KIF16B: variants seen among roughly 807,000 people sequenced by gnomAD.
The protein encoded by KIF16B is kinesin-like protein KIF16B.
In KIF16B, 98 loss-of-function variants were observed where a neutral mutation model predicts 156.3. The observed-to-expected ratio is 0.63, with a 90% CI of 0.53 to 0.74. KIF16B has a LOEUF of 0.74. Ranked by LOEUF, KIF16B falls within the 30% of genes least tolerant of loss-of-function variation. The pLI is 0.00. For missense variants in KIF16B, 1,421 were observed against 1,606.5 expected (o/e 0.88, Z 1.97); for synonymous variants, 564 against 583.7 (o/e 0.97, Z 0.49).
At chr20:16,470,402 T>C (rs1168057191) in intron 12 of KIF16B, among the ~76,000 whole-genome samples, 3 of 152,178 alleles carry the variant, frequency 2.0e-5, no homozygotes, top group African/African-American at 7.2e-5. Flanking sequence ...TGGTGAGGGA[T>C]GGCAACAATG....
At chr20:16,475,573 C>T (rs1175819825) in intron 12 of KIF16B, among the ~76,000 whole-genome samples, 1 of 152,214 alleles carries the variant, frequency 6.6e-6, no homozygotes, top group East Asian at 1.9e-4. Flanking sequence ...GGAACCAACG[C>T]AGAGGTTACT....
At chr20:16,428,816 T>C in intron 14 of KIF16B, 137 bp downstream of exon 14, 1 of 691,930 alleles carries the variant, frequency 1.4e-6, no homozygotes, top group Non-Finnish European at 2.5e-6. Context: ...TATATATACG[T>C]ACATACTGAC....
intron 22 of KIF16B, among the ~76,000 whole-genome samples, chr20:16,365,745 G>C (rs1023301548): frequency 1.3e-5 from 2 of 152,184 alleles, no homozygotes; most frequent in African/African-American, 4.8e-5. Context: ...CATTGGTTAG[G>C]AACAGAAATG....
intron 25 of KIF16B, among the ~76,000 whole-genome samples, chr20:16,300,774 C>T (rs78127576): frequency 9.2e-5 from 14 of 152,242 alleles, no homozygotes; most frequent in Admixed American, 2.6e-4. Context: ...GAGCCTCCCC[C>T]GCTATCAAAA....
intron 19 of KIF16B, among the ~76,000 whole-genome samples, chr20:16,375,578 C>T (rs1458055258): frequency 6.9e-6 from 1 of 144,768 alleles, no homozygotes; most frequent in Non-Finnish European, 1.5e-5. Context: ...GTGGAACACA[C>T]AGTATTTTCA....
At chr20:16,462,897 A>G (rs938208464) in intron 12 of KIF16B, among the ~76,000 whole-genome samples, 61 of 152,314 alleles carry the variant, frequency 4.0e-4, no homozygotes, top group African/African-American at 1.3e-3. Flanking sequence ...TGTCAACCAC[A>G]TGTTCAGTAA....
chr20:16,351,143 A>AT (rs1316569253), intron 23 of KIF16B, among the ~76,000 whole-genome samples: 1 of 152,126 alleles, frequency 6.6e-6, no homozygotes, highest in East Asian at 1.9e-4. Flanking sequence ...TTACTTCCAG[A>AT]TTTTACAAGA....
chr20:16,547,116 T>C (rs1401828372), intron 1 of KIF16B, among the ~76,000 whole-genome samples: 1 of 152,214 alleles, frequency 6.6e-6, no homozygotes, highest in Non-Finnish European at 1.5e-5. Flanking sequence ...TGTCCAGTTA[T>C]TCTGACGACA....
intron 12 of KIF16B, among the ~76,000 whole-genome samples, chr20:16,448,262 G>A (rs1041404431): frequency 1.3e-5 from 2 of 152,190 alleles, no homozygotes; most frequent in African/African-American, 4.8e-5. Context: ...GCTGTGCACA[G>A]TGTCCTACAA....
chr20:16,290,146 TTGTC>T lies in KIF16B; in HGVS notation c.3796-16739_3796-16736del, dbSNP rs1272907012. ...ATAATGACTGCTCCAAACGACCAAT[TTGTC>T]TGACAAAGGCTTTCAAATGAGAATC... On this transcript the variant is annotated intron_variant, in intron 25 of 25. Coordinates refer to ENST00000354981, the MANE Select transcript of KIF16B (RefSeq NM_024704.5). Among the ~76,000 whole-genome samples the T allele has an allele frequency of 5.9e-5, 9 of 152,316 alleles. No homozygotes were observed. In the South Asian group the frequency reaches 1.9e-3, roughly 32 times the overall value.
intron 12 of KIF16B, among the ~76,000 whole-genome samples, chr20:16,454,105 G>T (rs1344853981): frequency 1.3e-5 from 2 of 151,958 alleles, no homozygotes; most frequent in Non-Finnish European, 2.9e-5. Flanking sequence ...CCGTGCACTT[G>T]TGAAAAAAAG....
intron 14 of KIF16B, among the ~76,000 whole-genome samples, chr20:16,428,013 C>T (rs1345863857): frequency 6.6e-6 from 1 of 152,128 alleles, no homozygotes; most frequent in African/African-American, 2.4e-5. Flanking sequence ...TCACAGAAAA[C>T]GTGTGTTCTT....
At position 16,336,031 on chromosome 20, in the gene KIF16B, AC is replaced by A; in HGVS notation, c.3622-17del. On this transcript the variant is annotated splice_polypyrimidine_tract_variant and intron_variant, in intron 23 of 25. Transcript: ENST00000354981. ...GGACAGTAATCTATTAACCAGGAAA[AC>A]CAAAATGAATAAGCATTAAGAAGCA... The A allele has an allele frequency of 6.9e-7, 1 of 1,459,170 alleles. No individual in the cohort carries two copies. The highest frequency in any genetic ancestry group is 9.5e-7 in the Non-Finnish European group (1 of 1,058,146). 90.4% of individuals were successfully genotyped at this position (1,459,170 alleles called of 1,614,324 possible).
chr20:16,541,929 C>G (rs1446465302), intron 1 of KIF16B, among the ~76,000 whole-genome samples: 2 of 152,228 alleles, frequency 1.3e-5, no homozygotes, highest in African/African-American at 4.8e-5. Context: ...GTGGAAAGAG[C>G]TGGCAGCTGA....
intron 11 of KIF16B, among the ~76,000 whole-genome samples, chr20:16,495,201 C>A (rs929388985): frequency 6.6e-6 from 1 of 152,144 alleles, no homozygotes; most frequent in African/African-American, 2.4e-5. Flanking sequence ...CCTTTCAGCA[C>A]CTTTATCATT....
At chr20:16,438,270 A>G (rs929707552) in intron 12 of KIF16B, among the ~76,000 whole-genome samples, 4 of 152,164 alleles carry the variant, frequency 2.6e-5, no homozygotes, top group African/African-American at 9.6e-5. Flanking sequence ...CTGTATCTGA[A>G]GTTTTGCTTT....
chr20:16,329,320 C>T (rs528949313), intron 24 of KIF16B, among the ~76,000 whole-genome samples: 4 of 152,296 alleles, frequency 2.6e-5, no homozygotes, highest in South Asian at 4.1e-4. Context: ...GAACACCAGA[C>T]AGAAACAGTA....
chr20:16,514,995 G>A (rs952426895), intron 4 of KIF16B, among the ~76,000 whole-genome samples: 3 of 150,682 alleles, frequency 2.0e-5, no homozygotes, highest in African/African-American at 7.3e-5. Context: ...TTACTCCTCT[G>A]TATTTTGGGG....
intron 12 of KIF16B, among the ~76,000 whole-genome samples, chr20:16,431,430 T>C (rs1278293234): frequency 6.6e-6 from 1 of 152,168 alleles, no homozygotes; most frequent in Admixed American, 6.5e-5. Context: ...TCTCCAGGGA[T>C]AGAGGCAACT....
Sources: allele counts gnomAD v4.1 joint callset (sites outside exome capture counted in the v4.1 genomes callset), GRCh38; gene constraint gnomAD v4.1.1; transcripts MANE v1.5; gene names NCBI Gene and HGNC (gene_info 2026-07-23, HGNC 2026-07-21).